The following MAP2 variants were observed in gnomAD, a reference collection of about 807,000 sequenced individuals.
MAP2 encodes microtubule associated protein 2.
MAP2 carries 14 observed loss-of-function variants against 137.6 expected under a neutral mutation model. The ratio of observed to expected loss-of-function variants is 0.10; its 90% CI spans 0.07 to 0.16. The LOEUF (loss-of-function observed/expected upper bound fraction) is 0.16. Ranked by LOEUF, MAP2 falls within the 10% of genes least tolerant of loss-of-function variation. The pLI is 1.00. For synonymous variants in MAP2, 786 were observed against 782.3 expected, an observed-to-expected ratio of 1.00 and a Z score of -0.08; for missense variants, 2,088 against 2,191.5, an observed-to-expected ratio of 0.95 and a Z score of 0.94.
At chr2:209,428,381 CTTTTT>C (rs58943929) in intron 1 of MAP2, among the ~76,000 whole-genome samples, 3 of 130,966 alleles carry the variant, frequency 2.3e-5, no homozygotes, top group Non-Finnish European at 3.4e-5. Context: ...GGGCAAATTT[CTTTTT>C]TTTTTTTTTT....
intron 7 of MAP2, among the ~76,000 whole-genome samples, chr2:209,691,285 T>G (rs2058820261): frequency 6.6e-6 from 1 of 152,148 alleles, no homozygotes; most frequent in Non-Finnish European, 1.5e-5. Context: ...GGTGGAATCG[T>G]TTTTGTTTGC....
chr2:209,535,750 GTTTA>G (rs1248057096), intron 2 of MAP2, among the ~76,000 whole-genome samples: 1 of 151,688 alleles, frequency 6.6e-6, no homozygotes, highest in Non-Finnish European at 1.5e-5. Flanking sequence ...ATTTTTCGAG[GTTTA>G]TTTTTCAGTT....
At chr2:209,556,849 A>C (rs1276605378) in intron 2 of MAP2, among the ~76,000 whole-genome samples, 1 of 152,096 alleles carries the variant, frequency 6.6e-6, no homozygotes, top group Non-Finnish European at 1.5e-5. Flanking sequence ...TTTACTGCTG[A>C]GATTCTTTTT....
intron 1 of MAP2, among the ~76,000 whole-genome samples, chr2:209,432,254 G>A (rs1169810089): frequency 6.6e-6 from 1 of 152,114 alleles, no homozygotes; most frequent in African/African-American, 2.4e-5. Flanking sequence ...GGGCCTCTGT[G>A]TTTGTGCCTA....
intron 1 of MAP2, among the ~76,000 whole-genome samples, chr2:209,459,447 C>T (rs1463185611): frequency 6.6e-6 from 1 of 152,122 alleles, no homozygotes; most frequent in African/African-American, 2.4e-5. Flanking sequence ...TTAAAATCTA[C>T]CCCTTTCCTA....
chr2:209,570,261 A>G (rs2074169422), intron 2 of MAP2, among the ~76,000 whole-genome samples: 1 of 151,794 alleles, frequency 6.6e-6, no homozygotes. Flanking sequence ...GTAAATGGAA[A>G]ATTCTTAGTT....
chr2:209,467,004 G>C (rs771528796), intron 1 of MAP2, among the ~76,000 whole-genome samples: 2 of 152,058 alleles, frequency 1.3e-5, no homozygotes, highest in Non-Finnish European at 2.9e-5. Flanking sequence ...GTCCCAGTCA[G>C]AACTCATCAC....
chr2:209,559,626 G>A (rs2153342359), intron 2 of MAP2, among the ~76,000 whole-genome samples: 1 of 152,132 alleles, frequency 6.6e-6, no homozygotes, highest in East Asian at 1.9e-4. Context: ...ACTCCAGCCT[G>A]GATGATAGAG....
At chr2:209,542,461 G>A (rs764931664) in intron 2 of MAP2, among the ~76,000 whole-genome samples, 1 of 152,226 alleles carries the variant, frequency 6.6e-6, no homozygotes, top group Non-Finnish European at 1.5e-5. Flanking sequence ...TCTAACAGGA[G>A]AGTCAGCCTG....
intron 1 of MAP2, among the ~76,000 whole-genome samples, chr2:209,496,812 G>A (rs994342328): frequency 6.6e-6 from 1 of 151,826 alleles, no homozygotes; most frequent in African/African-American, 2.4e-5. Flanking sequence ...CTTTTTTTGT[G>A]TGTGTGAGAC....
At chr2:209,514,250 T>C (rs1208674316) in intron 2 of MAP2, among the ~76,000 whole-genome samples, 3 of 152,102 alleles carry the variant, frequency 2.0e-5, no homozygotes, top group Non-Finnish European at 4.4e-5. Context: ...ATAATCACCT[T>C]TTTCATAAGT....
intron 1 of MAP2, among the ~76,000 whole-genome samples, chr2:209,429,136 G>A (rs1345094765): frequency 6.6e-6 from 1 of 151,772 alleles, no homozygotes; most frequent in Non-Finnish European, 1.5e-5. Flanking sequence ...TGTATTTTTA[G>A]TAGAGACAGG....
intron 2 of MAP2, among the ~76,000 whole-genome samples, chr2:209,539,774 C>T (rs978501280): frequency 2.6e-5 from 4 of 151,620 alleles, no homozygotes; most frequent in Admixed American, 1.3e-4. Context: ...TCATGTAAGA[C>T]TCATTTGTTT....
At chr2:209,496,958 A>C (rs2059820699) in intron 1 of MAP2, among the ~76,000 whole-genome samples, 1 of 152,054 alleles carries the variant, frequency 6.6e-6, no homozygotes, top group African/African-American at 2.4e-5. Flanking sequence ...TTAAAAAAAA[A>C]AATTGTTTTT....
At chr2:209,601,991 A>C (rs539924683) in intron 3 of MAP2, among the ~76,000 whole-genome samples, 152 of 152,310 alleles carry the variant, frequency 1.0e-3, no homozygotes, top group Non-Finnish European at 1.4e-3. Flanking sequence ...GTTTTAATAA[A>C]GCCCTCTTTG....
In MAP2 at chr2:209,695,436, A is replaced by G. The variant is rs1321513673; in HGVS notation, c.3266A>G (p.Asp1089Gly). The G allele has an allele frequency of 6.2e-7, 1 of 1,613,754 alleles. No homozygotes were observed. The highest frequency in any genetic ancestry group is 1.1e-5 in the South Asian group (1 of 90,986). ...TPSSKAPQEA[D>G]AFMGVESGHM... ...TCATCCAAAGCACCGCAGGAGGCAG[A>G]TGCATTTATGGGTGTTGAGTCTGGC... The change falls in exon 8 of 16, where the codon GAT (aspartate) becomes GGT (glycine). Residue 1089 changes from aspartate (D) to glycine (G), a missense_variant. By Grantham distance (94) the Asp-to-Gly change is moderately conservative. Around this residue, in one of 6 missense-constraint regions of MAP2, gnomAD observed 500 missense variants for 482.9 expected, o/e 1.04. Transcript: ENST00000682079.
chr2:209,464,682 A>T (rs1034539416), intron 1 of MAP2, among the ~76,000 whole-genome samples: 3 of 152,214 alleles, frequency 2.0e-5, no homozygotes, highest in Admixed American at 6.5e-5. Context: ...CTTAGGTTAG[A>T]AAAAAATCAA....
intron 7 of MAP2, among the ~76,000 whole-genome samples, chr2:209,689,062 A>G (rs914394009): frequency 1.3e-5 from 2 of 152,206 alleles, no homozygotes; most frequent in Admixed American, 1.3e-4. Flanking sequence ...ATGAAAAGCT[A>G]AAAAGCTACA....
chr2:209,692,661 A>G lies in MAP2; in HGVS notation c.491A>G (p.Gln164Arg). 2 of 1,591,584 alleles carry G rather than the reference A, an allele frequency of 1.3e-6. No homozygotes were observed. The highest frequency in any genetic ancestry group is 1.7e-6 in the Non-Finnish European group (2 of 1,173,856). Residue 164 changes from glutamine to arginine, a missense_variant, in exon 8 of 16, where the codon CAA becomes CGA. This residue lies in a region of MAP2 where 859 missense variants were observed against 794.5 expected (regional missense o/e 1.08). Transcript: ENST00000682079. ...GCCTCGAAGATGGAGTTCCACGATCAACAGGAATTGACTCCCTCTACAGCT... is the reference window on the plus strand; with the variant it reads ...GCCTCGAAGATGGAGTTCCACGATCGACAGGAATTGACTCCCTCTACAGCT... ...LTASKMEFHD[Q>R]QELTPSTAEP...
Sources: gnomAD v4.1 joint callset for allele counts (sites outside exome capture counted in the v4.1 genomes callset) on GRCh38, gnomAD v4.1.1 for gene constraint, gnomAD v4.1.1 regional missense constraint, MANE v1.5 for transcripts, NCBI Gene and HGNC (gene_info 2026-07-23, HGNC 2026-07-21) for gene names.